PDZRN4: variants seen among roughly 807,000 people sequenced by gnomAD.
PDZRN4 encodes the protein PDZ domain containing ring finger 4.
Under a neutral mutation model 99.0 loss-of-function variants are expected in PDZRN4, and 70 were observed. The observed-to-expected ratio is 0.71, with a 90% CI of 0.58 to 0.86. The LOEUF (loss-of-function observed/expected upper bound fraction) is 0.86. Ranked by LOEUF, PDZRN4 falls within the 40% of genes least tolerant of loss-of-function variation. The pLI is 0.00. For synonymous variants in PDZRN4, 551 were observed against 501.6 expected, an observed-to-expected ratio of 1.10 and a Z score of -1.32; for missense variants, 1,474 against 1,331.2, an observed-to-expected ratio of 1.11 and a Z score of -1.67.
intron 3 of PDZRN4, among the ~76,000 whole-genome samples, chr12:41,425,699 T>C (rs748804706): frequency 1.1e-4 from 16 of 152,150 alleles, no homozygotes; most frequent in Non-Finnish European, 2.2e-4. Flanking sequence ...AGCAAACAAC[T>C]AGAAAGCATT....
At chr12:41,348,190 G>T (rs1214769458) in intron 3 of PDZRN4, among the ~76,000 whole-genome samples, 8 of 152,040 alleles carry the variant, frequency 5.3e-5, no homozygotes, top group Admixed American at 1.3e-4. Flanking sequence ...TCATTGACTA[G>T]TACCACTTGT....
chr12:41,518,951 T>C (rs1462554554), intron 5 of PDZRN4, among the ~76,000 whole-genome samples: 16 of 151,560 alleles, frequency 1.1e-4, no homozygotes, highest in Admixed American at 1.1e-3. Flanking sequence ...CCCAACTCTA[T>C]ATAAATAAAT....
Position 41,506,726 on chromosome 12 carries a change from A to T in PDZRN4, c.1100+14A>T. The T allele has an allele frequency of 6.3e-7, 1 of 1,590,686 alleles. No homozygotes were observed. On this transcript the variant is annotated intron_variant, in intron 4 of 9. Coordinates refer to ENST00000402685, the MANE Select transcript of PDZRN4 (RefSeq NM_001164595.2). ...GCTCTCAGACAGGTATTTTTCTATC[A>T]TTTCTTCCAAAGCCCTGTTTGTTTC...
chr12:41,391,102 A>G (rs975472897), intron 3 of PDZRN4, among the ~76,000 whole-genome samples: 14 of 152,152 alleles, frequency 9.2e-5, no homozygotes, highest in Admixed American at 9.2e-4. Flanking sequence ...CCATACCTGC[A>G]TGCTTTATAT....
chr12:41,282,333 A>G (rs1436993552), intron 3 of PDZRN4, among the ~76,000 whole-genome samples: 1 of 152,220 alleles, frequency 6.6e-6, no homozygotes, highest in Non-Finnish European at 1.5e-5. Flanking sequence ...TATCCTAAAT[A>G]TATATGCACC....
At chr12:41,371,908 G>T (rs1952045108) in intron 3 of PDZRN4, among the ~76,000 whole-genome samples, 1 of 152,032 alleles carries the variant, frequency 6.6e-6, no homozygotes, top group Admixed American at 6.6e-5. Context: ...CGAGGCAGCA[G>T]GTCATCCAAA....
intron 5 of PDZRN4, among the ~76,000 whole-genome samples, chr12:41,521,756 T>C (rs1394454043): frequency 5.9e-5 from 9 of 152,128 alleles, no homozygotes; most frequent in Admixed American, 5.9e-4. Flanking sequence ...TGCTTGTTAT[T>C]GGTATTTCAT....
At chr12:41,239,701 G>A (rs774520141) in intron 3 of PDZRN4, among the ~76,000 whole-genome samples, 5 of 152,140 alleles carry the variant, frequency 3.3e-5, no homozygotes, top group African/African-American at 7.2e-5. Context: ...TTTATTTTAC[G>A]AAGCTTTAGA....
At chr12:41,268,033 CA>C (rs1345122471) in intron 3 of PDZRN4, among the ~76,000 whole-genome samples, 24 of 152,236 alleles carry the variant, frequency 1.6e-4, no homozygotes, top group African/African-American at 5.8e-4. Context: ...AAATTAAATT[CA>C]ACAAATATTT....
Position 41,188,889 on chromosome 12 carries a change from C to A in PDZRN4, c.434C>A (p.Ala145Glu). Residue 145 changes from alanine to glutamate, a missense_variant, in exon 1 of 10, where the codon GCG becomes GAG. Ala to Glu is a moderately radical substitution (Grantham distance 107, BLOSUM62 -1). Coordinates refer to ENST00000402685, the MANE Select transcript of PDZRN4 (RefSeq NM_001164595.2). ...PTPRAGRGGG[A>E]RGGPPGGRWG... ...CCCAGGGCTGGCCGGGGCGGGGGCG[C>A]GCGCGGGGGGCCGCCGGGCGGCCGC... 7.3e-6 allele frequency: 8 copies of A among 1,100,780 alleles called. No homozygotes were observed. The highest frequency in any genetic ancestry group is 7.7e-6 in the Non-Finnish European group (7 of 905,628). The allele number at this position is 1,100,780 out of a possible 1,614,324, so 68.2% of individuals were successfully genotyped here. A position where few individuals can be genotyped will look rare whatever the true frequency, so the allele number is the denominator to read the frequency against.
chr12:41,503,730 C>G (rs991394570), intron 3 of PDZRN4, among the ~76,000 whole-genome samples: 1 of 152,066 alleles, frequency 6.6e-6, no homozygotes, highest in African/African-American at 2.4e-5. Context: ...CTTGCCTTGT[C>G]TTGGGGAAAA....
chr12:41,322,789 C>A (rs1290985358), intron 3 of PDZRN4, among the ~76,000 whole-genome samples: 1 of 152,024 alleles, frequency 6.6e-6, no homozygotes, highest in Non-Finnish European at 1.5e-5. Context: ...AGCCACCGCG[C>A]CGGGCAAAAT....
intron 3 of PDZRN4, among the ~76,000 whole-genome samples, chr12:41,262,692 A>G (rs945479601): frequency 1.3e-5 from 2 of 150,636 alleles, no homozygotes; most frequent in Middle Eastern, 3.4e-3. Flanking sequence ...TATAGAAGTG[A>G]TCACTGACAG....
intron 3 of PDZRN4, among the ~76,000 whole-genome samples, chr12:41,352,915 A>G (rs766978982): frequency 2.6e-5 from 4 of 152,158 alleles, no homozygotes; most frequent in Non-Finnish European, 4.4e-5. Context: ...GACAAAGACC[A>G]TAATGAATAA....
At chr12:41,383,181 C>T (rs1952139410) in intron 3 of PDZRN4, among the ~76,000 whole-genome samples, 2 of 152,148 alleles carry the variant, frequency 1.3e-5, no homozygotes, top group African/African-American at 4.8e-5. Context: ...CTTTAGAGCA[C>T]TGAATGAGGA....
chr12:41,233,196 A>G (rs1951040558), intron 3 of PDZRN4, among the ~76,000 whole-genome samples: 1 of 152,224 alleles, frequency 6.6e-6, no homozygotes, highest in Non-Finnish European at 1.5e-5. Context: ...AATGCTCATC[A>G]TCACTGGTCA....
At chr12:41,537,151 T>TATCA (rs1938762490) in intron 5 of PDZRN4, among the ~76,000 whole-genome samples, 1 of 152,168 alleles carries the variant, frequency 6.6e-6, no homozygotes, top group South Asian at 2.1e-4. Context: ...CTGTCTTCCA[T>TATCA]TAAAACACTA....
chr12:41,347,879 C>A (rs984722381), intron 3 of PDZRN4, among the ~76,000 whole-genome samples: 1 of 152,094 alleles, frequency 6.6e-6, no homozygotes, highest in Non-Finnish European at 1.5e-5. Context: ...GTTAAGTGAA[C>A]GAAGCAAATA....
chr12:41,190,990 T>C (rs1950732340), intron 1 of PDZRN4, among the ~76,000 whole-genome samples: 3 of 152,210 alleles, frequency 2.0e-5, no homozygotes. Context: ...GCAACATGAA[T>C]GTTATGACTA....
Sources: gnomAD v4.1 joint callset for allele counts (sites outside exome capture counted in the v4.1 genomes callset) on GRCh38, gnomAD v4.1.1 for gene constraint, MANE v1.5 for transcripts, NCBI Gene and HGNC (gene_info 2026-07-23, HGNC 2026-07-21) for gene names.